The following SERPINF2 variants were observed in gnomAD, a reference collection of about 807,000 sequenced individuals.
The protein encoded by SERPINF2 is serpin family F member 2, also known as alpha-2-antiplasmin.
In SERPINF2, 15 loss-of-function variants were observed where a neutral mutation model predicts 45.0. That is an observed-to-expected ratio of 0.33 (90% CI 0.22 to 0.51). SERPINF2 has a LOEUF of 0.51. Among genes scored for constraint, SERPINF2 ranks in the 20% least tolerant of loss-of-function variants. SERPINF2 has a pLI of 0.97. For synonymous variants in SERPINF2, 283 were observed against 277.9 expected (o/e 1.02, Z -0.18); for missense variants, 518 against 637.4 (o/e 0.81, Z 2.02).
chr17:1,744,076 G>A (rs1036358565), intron 1 of SERPINF2, among the ~76,000 whole-genome samples: 32 of 151,494 alleles, frequency 2.1e-4, no homozygotes, highest in Non-Finnish European at 7.4e-5. Flanking sequence ...TGTATTTTCA[G>A]TAGAGATGGG....
At chr17:1,748,161 C>T (rs1209549480) in intron 7 of SERPINF2, among the ~76,000 whole-genome samples, 6 of 151,916 alleles carry the variant, frequency 3.9e-5, no homozygotes, top group Admixed American at 2.0e-4. Flanking sequence ...ATTAGCTGGG[C>T]GTAGTGGCGG....
rs367964307 is a variant in SERPINF2 at position 1,754,442 on chromosome 17, G to A, written c.1384G>A (p.Gly462Ser). The change falls in exon 10 of 10, where the codon GGC (glycine) becomes AGC (serine). Residue 462 changes from glycine to serine, a missense_variant. Gly to Ser is a moderately conservative substitution (Grantham distance 56, BLOSUM62 0). Around this residue, in one of 2 missense-constraint regions of SERPINF2, gnomAD observed 83 missense variants for 60.0 expected, o/e 1.38. Coordinates refer to ENST00000453066, the MANE Select transcript of SERPINF2 (RefSeq NM_000934.4). ...CAAGGACTTCCTCCAGAGCCTGAAA[G>A]GCTTCCCCCGCGGAGACAAGCTTTT... ...GNKDFLQSLK[G>S]FPRGDKLFGP... 4 of 1,610,582 alleles carry A rather than the reference G, an allele frequency of 2.5e-6. No individual in the cohort carries two copies. Among genetic ancestry groups the A allele is most frequent in the Non-Finnish European group, 3.4e-6 (4 of 1,177,600 alleles).
Position 1,747,113 on chromosome 17 carries a change from C to A in SERPINF2, c.462C>A (p.Asp154Glu), listed in dbSNP as rs1323353987. 1.2e-6 allele frequency: 2 copies of A among 1,611,636 alleles called. No homozygotes were observed. The highest frequency in any genetic ancestry group is 1.7e-6 in the Non-Finnish European group (2 of 1,179,982). The change falls in exon 6 of 10, where the codon GAC (aspartate) becomes GAA (glutamate). Residue 154 changes from aspartate (D) to glutamate (E), a missense_variant. By Grantham distance (45) the Asp-to-Glu change is conservative. Transcript: ENST00000453066. ...ATCTGCTGAGCCGCCTCTGCCAGGA[C>A]CTGGGCCCCGGCGCGTTCCGACTGG... Reference protein sequence around the residue: ...LPHLLSRLCQDLGPGAFRLAA... With the variant: ...LPHLLSRLCQELGPGAFRLAA...
At chr17:1,752,880 G>T (rs1183897863) in intron 9 of SERPINF2, 90 bp downstream of exon 9, 13 of 1,154,126 alleles carry the variant, frequency 1.1e-5, no homozygotes, top group Non-Finnish European at 1.5e-5. Flanking sequence ...AGCTGAGTCA[G>T]AGCTGTCCTG....
At chr17:1,747,190 C>T in intron 6 of SERPINF2, 28 bp downstream of exon 6, 2 of 1,611,686 alleles carry the variant, frequency 1.2e-6, no homozygotes, top group African/African-American at 1.3e-5. Context: ...GGAGCTCCCT[C>T]AGTCCTGCCC....
intron 1 of SERPINF2, 48 bp downstream of exon 1, chr17:1,742,956 G>T: frequency 3.0e-6 from 3 of 985,506 alleles, no homozygotes; most frequent in Non-Finnish European, 3.6e-6. Flanking sequence ...AGGAGAGGAG[G>T]AGGGAGCTGC....
intron 8 of SERPINF2, among the ~76,000 whole-genome samples, chr17:1,750,443 G>A (rs963206656): frequency 1.3e-5 from 2 of 151,650 alleles, no homozygotes; most frequent in South Asian, 2.1e-4. Context: ...CACCGTGCCC[G>A]GCCAATTTTT....
intron 1 of SERPINF2, among the ~76,000 whole-genome samples, chr17:1,743,647 G>A (rs375299545): frequency 2.7e-5 from 4 of 150,844 alleles, no homozygotes; most frequent in East Asian, 4.0e-4. Context: ...CCCAGGAGGT[G>A]GAGGTTGCAG....
rs941966845 is a variant in SERPINF2, at chr17:1,745,523, G to A, written c.165+128G>A. Reference sequence around the variant, plus strand: ...GAGTCCAGAGGCCAGAAGGGAGAGAGGGTGGGGAGGACCGAAGGTGGGCGC... The same window carrying A: ...GAGTCCAGAGGCCAGAAGGGAGAGAAGGTGGGGAGGACCGAAGGTGGGCGC... On this transcript the variant is annotated intron_variant, in intron 4 of 9. Transcript: ENST00000453066. This position sits in a 1 kb window ranked among gnomAD's most constrained non-coding sequence, Gnocchi z 6.2. 8.7e-6 allele frequency: 11 copies of A among 1,268,822 alleles called. No homozygotes were observed. Among genetic ancestry groups the A allele is most frequent in the Admixed American group, 1.9e-5 (1 of 52,124 alleles). 78.6% of individuals were successfully genotyped at this position (1,268,822 alleles called of 1,614,324 possible).
intron 1 of SERPINF2, among the ~76,000 whole-genome samples, chr17:1,744,181 C>A (rs974313663): frequency 6.6e-6 from 1 of 150,968 alleles, no homozygotes; most frequent in African/African-American, 2.4e-5. Context: ...CAGGCTTGAG[C>A]CACCGTGCCT....
In SERPINF2 at chr17:1,745,536, C is replaced by T. The variant is rs1039248700; in HGVS notation, c.165+141C>T. The T allele has an allele frequency of 4.6e-5, 56 of 1,209,620 alleles. No individual in the cohort carries two copies. Among genetic ancestry groups the T allele is most frequent in the Middle Eastern group, 2.7e-4 (1 of 3,712 alleles). The allele number at this position is 1,209,620 out of a possible 1,614,324, so 74.9% of individuals were successfully genotyped here. On this transcript the variant is annotated intron_variant, in intron 4 of 9. Transcript: ENST00000453066. The surrounding 1 kb of genome is among the most constrained non-coding windows in gnomAD (Gnocchi z 6.2). The stretch of plus-strand genomic sequence containing the variant: ...AGAAGGGAGAGAGGGTGGGGAGGAC[C>T]GAAGGTGGGCGCCAGGCCCCAGAAT...
chr17:1,752,731 G>A lies in SERPINF2; in HGVS notation c.1004G>A (p.Arg335Gln), dbSNP rs773591601. The change falls in exon 9 of 10, where the codon CGG (arginine) becomes CAG (glutamine). Residue 335 changes from arginine (R) to glutamine (Q), a missense_variant. Arg to Gln is a conservative substitution (Grantham distance 43). Around this residue, in one of 2 missense-constraint regions of SERPINF2, gnomAD observed 435 missense variants for 577.3 expected, o/e 0.75. Transcript: ENST00000453066. ...GTGTGGGAGAGGCCCACCAAGGTCCGGCTGCCTAAGCTGTATCTGAAACAC... is the reference window on the plus strand; with the variant it reads ...GTGTGGGAGAGGCCCACCAAGGTCCAGCTGCCTAAGCTGTATCTGAAACAC... ...PLVWERPTKV[R>Q]LPKLYLKHQM... 8.7e-6 allele frequency: 14 copies of A among 1,613,924 alleles called. No homozygotes were observed. Among genetic ancestry groups the A allele is most frequent in the African/African-American group, 2.7e-5 (2 of 74,906 alleles).
rs574599573 is a variant in SERPINF2 at position 1,751,268 on chromosome 17, G to A, written c.859-1318G>A. ...GTTTGAGACCAGCCTGGCCCACATG[G>A]TGAAACCCCGTCTCTACTAAAAATA... is the stretch of plus-strand genomic sequence containing the variant. On this transcript the variant is annotated intron_variant, in intron 8 of 9. Transcript: ENST00000453066. Among the ~76,000 whole-genome samples, 28 of 152,130 alleles carry A rather than the reference G, an allele frequency of 1.8e-4. 1 individual carries two copies. The South Asian group carries it at 2.9e-3, about 16-fold the overall frequency.
intron 9 of SERPINF2, among the ~76,000 whole-genome samples, chr17:1,753,381 C>A (rs1906556094): frequency 1.3e-5 from 2 of 152,092 alleles, no homozygotes; most frequent in Admixed American, 1.3e-4. Context: ...AGAACTAAGA[C>A]CTTGTCTCAA....
chr17:1,744,711 T>A, intron 1 of SERPINF2: 2 of 985,388 alleles, frequency 2.0e-6, no homozygotes, highest in Non-Finnish European at 2.4e-6. Context: ...CGTTTTTGAT[T>A]TGGTATCTCC....
chr17:1,745,502 C>T lies in SERPINF2; in HGVS notation c.165+107C>T. On this transcript the variant is annotated intron_variant, in intron 4 of 9. Transcript: ENST00000453066. The surrounding 1 kb of genome is among the most constrained non-coding windows in gnomAD (Gnocchi z 6.2). ...CGTGCTGAGGCTGAGGCTCTGGAGTCCAGAGGCCAGAAGGGAGAGAGGGTG... is the reference window on the plus strand; with the variant it reads ...CGTGCTGAGGCTGAGGCTCTGGAGTTCAGAGGCCAGAAGGGAGAGAGGGTG... The T allele has an allele frequency of 7.3e-7, 1 of 1,373,492 alleles. No individual in the cohort carries two copies. Among genetic ancestry groups the T allele is most frequent in the Admixed American group, 1.9e-5 (1 of 53,964 alleles). The allele number at this position is 1,373,492 out of a possible 1,614,324, so 85.1% of individuals were successfully genotyped here.
At chr17:1,746,818 G>A (rs1235291181) in intron 5 of SERPINF2, among the ~76,000 whole-genome samples, 3 of 152,200 alleles carry the variant, frequency 2.0e-5, no homozygotes, top group Non-Finnish European at 4.4e-5. Context: ...GCCCAGAGAG[G>A]GAAGGTAACT....
intron 5 of SERPINF2, among the ~76,000 whole-genome samples, chr17:1,746,247 T>A (rs1181104825): frequency 6.6e-6 from 1 of 151,612 alleles, no homozygotes; most frequent in Non-Finnish European, 1.5e-5. Context: ...AACCTGGGAG[T>A]TGGAGGTTAC....
intron 5 of SERPINF2, 82 bp from the exon 6 acceptor site, chr17:1,746,937 G>C: frequency 6.5e-7 from 1 of 1,539,112 alleles, no homozygotes; most frequent in East Asian, 2.3e-5. Context: ...TCCTCGTCAC[G>C]GGTATCCAGG....
Sources: gnomAD v4.1 joint callset for allele counts (sites outside exome capture counted in the v4.1 genomes callset) on GRCh38, gnomAD v4.1.1 for gene constraint, gnomAD v4.1.1 regional missense constraint, Gnocchi (gnomAD v3.1) non-coding constraint, MANE v1.5 for transcripts, NCBI Gene and HGNC (gene_info 2026-07-23, HGNC 2026-07-21) for gene names.